MCTP1: variants seen among roughly 807,000 people sequenced by gnomAD.
MCTP1 encodes the protein multiple C2 and transmembrane domain-containing protein 1.
MCTP1 carries 69 observed loss-of-function variants against 120.6 expected under a neutral mutation model. The ratio of observed to expected loss-of-function variants is 0.57; its 90% confidence interval spans 0.47 to 0.70. The LOEUF is 0.70. Ranked by LOEUF, MCTP1 falls within the 30% of genes least tolerant of loss-of-function variation. The probability of loss-of-function intolerance (pLI) is 0.00; values close to 1 mark genes in which losing one functional copy is unlikely to be tolerated. For synonymous variants in MCTP1, 529 were observed against 493.1 expected, an observed-to-expected ratio of 1.07 and a Z score of -0.96; for missense variants, 1,203 against 1,248.8, an observed-to-expected ratio of 0.96 and a Z score of 0.55.
At chr5:94,725,815 AAAATT>A (rs1284053802) in intron 19 of MCTP1, among the ~76,000 whole-genome samples, 3 of 152,220 alleles carry the variant, frequency 2.0e-5, no homozygotes, top group Non-Finnish European at 4.4e-5. Flanking sequence ...CAATGGTTAT[AAAATT>A]AAATTAGTTT....
chr5:95,011,406 G>A (rs1040003007), intron 2 of MCTP1, among the ~76,000 whole-genome samples: 1 of 151,806 alleles, frequency 6.6e-6, no homozygotes, highest in Non-Finnish European at 1.5e-5. Context: ...TTATTCTATG[G>A]GTTTTACTCC....
intron 1 of MCTP1, among the ~76,000 whole-genome samples, chr5:95,119,372 G>A (rs1370845120): frequency 6.6e-6 from 1 of 151,814 alleles, no homozygotes; most frequent in East Asian, 1.9e-4. Context: ...AAAACCTATG[G>A]GATACAGCAA....
In MCTP1 at chr5:95,203,419, T is replaced by C. The variant is rs115225908; in HGVS notation, c.720+80437A>G. Among the ~76,000 whole-genome samples, 512 of 152,272 alleles carry C rather than the reference T, an allele frequency of 3.4e-3. 3 individuals are homozygous for C. The highest frequency in any genetic ancestry group is 0.012 in the African/African-American group (484 of 41,548). On this transcript the variant is annotated intron_variant, in intron 1 of 22. Coordinates refer to ENST00000515393, the MANE Select transcript of MCTP1 (RefSeq NM_024717.7). ...GGTAAAGATCTTGAGATGAGACCCT[T>C]GTGAATTAGGTATGAGTGTCTCTAT...
At chr5:94,853,970 G>C (rs1794255748) in intron 17 of MCTP1, among the ~76,000 whole-genome samples, 1 of 151,764 alleles carries the variant, frequency 6.6e-6, no homozygotes. Context: ...GGCAGATGGT[G>C]GCAGGGACCA....
chr5:94,973,481 G>A (rs1233951686), intron 2 of MCTP1, among the ~76,000 whole-genome samples: 1 of 152,148 alleles, frequency 6.6e-6, no homozygotes, highest in Non-Finnish European at 1.5e-5. Context: ...ATTTGACGGG[G>A]AAGATGAGTT....
intron 17 of MCTP1, chr5:94,867,378 A>G (rs1797024945): frequency 6.6e-7 from 1 of 1,516,568 alleles, no homozygotes; most frequent in Non-Finnish European, 8.9e-7. Context: ...AGTCCCATAC[A>G]AGGCCTGAGA....
chr5:94,992,233 A>G (rs1469969141), intron 2 of MCTP1, among the ~76,000 whole-genome samples: 3 of 152,230 alleles, frequency 2.0e-5, no homozygotes, highest in Non-Finnish European at 4.4e-5. Context: ...ATTTGGGAAT[A>G]TTCACTAACT....
intron 1 of MCTP1, among the ~76,000 whole-genome samples, chr5:95,276,540 A>G (rs1167127439): frequency 2.7e-5 from 4 of 146,688 alleles, no homozygotes; most frequent in Non-Finnish European, 6.0e-5. Context: ...TACAGGCGTG[A>G]GCCACTGCGC....
chr5:95,278,780 T>C (rs1424578569), intron 1 of MCTP1, among the ~76,000 whole-genome samples: 2 of 151,530 alleles, frequency 1.3e-5, no homozygotes, highest in Non-Finnish European at 2.9e-5. Context: ...CTAACCAACA[T>C]GGAGACACCC....
intron 7 of MCTP1, among the ~76,000 whole-genome samples, chr5:94,920,108 G>C (rs1811161848): frequency 6.6e-6 from 1 of 151,978 alleles, no homozygotes; most frequent in Non-Finnish European, 1.5e-5. Flanking sequence ...TTTAATCGTG[G>C]TCCAACAAAA....
intron 1 of MCTP1, among the ~76,000 whole-genome samples, chr5:95,060,281 C>T (rs1275109960): frequency 6.6e-6 from 1 of 152,090 alleles, no homozygotes; most frequent in African/African-American, 2.4e-5. Flanking sequence ...AAAGGAAGCA[C>T]CTGGCTCTGT....
intron 19 of MCTP1, among the ~76,000 whole-genome samples, chr5:94,738,015 A>T (rs1281199736): frequency 6.6e-6 from 1 of 152,212 alleles, no homozygotes; most frequent in East Asian, 1.9e-4. Context: ...AATGCCATTC[A>T]TCAGAAGCGA....
chr5:95,131,324 CA>C (rs898877487), intron 1 of MCTP1, among the ~76,000 whole-genome samples: 1 of 152,198 alleles, frequency 6.6e-6, no homozygotes, highest in Non-Finnish European at 1.5e-5. Flanking sequence ...AATTGTGTTT[CA>C]GGCTGAGCCC....
At chr5:94,723,021 G>A (rs1264016202) in intron 19 of MCTP1, among the ~76,000 whole-genome samples, 1 of 152,194 alleles carries the variant, frequency 6.6e-6, no homozygotes, top group Non-Finnish European at 1.5e-5. Flanking sequence ...ACAAAAAGAA[G>A]TGATCAAATG....
intron 1 of MCTP1, among the ~76,000 whole-genome samples, chr5:95,143,358 A>T (rs1760099966): frequency 1.3e-5 from 2 of 152,224 alleles, no homozygotes; most frequent in South Asian, 2.1e-4. Context: ...ACTGTTTTAC[A>T]TTCATAAATA....
chr5:95,187,264 T>A (rs1046479286), intron 1 of MCTP1, among the ~76,000 whole-genome samples: 2 of 152,344 alleles, frequency 1.3e-5, no homozygotes, highest in Admixed American at 1.3e-4. Context: ...GGAATACTAT[T>A]CAGCCATAAA....
intron 1 of MCTP1, among the ~76,000 whole-genome samples, chr5:95,110,208 T>C (rs1418584395): frequency 1.3e-5 from 2 of 152,108 alleles, no homozygotes; most frequent in African/African-American, 4.8e-5. Context: ...TCTGCCATAA[T>C]ATAGATAATG....
intron 12 of MCTP1, among the ~76,000 whole-genome samples, chr5:94,874,640 T>C (rs1798439067): frequency 6.6e-6 from 1 of 152,124 alleles, no homozygotes; most frequent in African/African-American, 2.4e-5. Flanking sequence ...AGGATCTGTA[T>C]TATCTTTTTT....
intron 1 of MCTP1, among the ~76,000 whole-genome samples, chr5:95,084,214 TA>T (rs1369460907): frequency 1.3e-5 from 2 of 152,174 alleles, no homozygotes; most frequent in Non-Finnish European, 2.9e-5. Context: ...ATTCTTTAGG[TA>T]ATTTGAAAAG....
Sources: gnomAD v4.1 joint callset for allele counts (sites outside exome capture counted in the v4.1 genomes callset) on GRCh38, gnomAD v4.1.1 for gene constraint, MANE v1.5 for transcripts, NCBI Gene and HGNC (gene_info 2026-07-23, HGNC 2026-07-21) for gene names.